LIN9: variants seen among roughly 807,000 people sequenced by gnomAD.
LIN9 encodes lin-9 DREAM MuvB core complex component, also known as protein lin-9 homolog.
A neutral mutation model predicts 78.0 loss-of-function variants in LIN9; 18 were observed. The observed-to-expected ratio is 0.23, with a 90% CI of 0.16 to 0.34. LIN9 has a LOEUF of 0.34. Ranked by LOEUF, LIN9 falls within the 10% of genes least tolerant of loss-of-function variation. The probability of loss-of-function intolerance (pLI) is 1.00; values close to 1 mark genes in which losing one functional copy is unlikely to be tolerated. For synonymous variants in LIN9, 192 were observed against 215.2 expected (o/e 0.89, Z 0.94); for missense variants, 451 against 644.1 (o/e 0.70, Z 3.25).
Position 226,277,869 on chromosome 1 carries a change from C to T in LIN9, c.588G>A (p.Arg196=). ...SALKQKRQKI[R]LLQQRKVADV... ...CTGCAACTTTCCTTTGTTGTAAGAG[C>T]CTTATTTTCTGCCGTTTCTGTTTTA... Residue 196 remains arginine (R), a synonymous_variant, in exon 7 of 15, where the codon AGG becomes AGA. Transcript: ENST00000681046. 6.2e-7 allele frequency: 1 copy of T among 1,613,608 alleles called. No individual in the cohort carries two copies. The highest frequency in any genetic ancestry group is 8.5e-7 in the Non-Finnish European group (1 of 1,179,680).
At chr1:226,309,503 T>G, upstream of LIN9, 1 of 1,128,220 alleles carries the variant, frequency 8.9e-7, no homozygotes, top group South Asian at 1.8e-5. Flanking sequence ...GCGCTGCAGC[T>G]GCGGGAACTG....
intron 4 of LIN9, among the ~76,000 whole-genome samples, chr1:226,294,332 G>A (rs1292619565): frequency 6.6e-6 from 1 of 150,488 alleles, no homozygotes; most frequent in African/African-American, 2.4e-5. Flanking sequence ...TGTAATCCCA[G>A]CACTTTGGGA....
chr1:226,299,853 T>C (rs938983421), intron 2 of LIN9, among the ~76,000 whole-genome samples: 1 of 152,162 alleles, frequency 6.6e-6, no homozygotes, highest in Non-Finnish European at 1.5e-5. Flanking sequence ...TGTCAAACTT[T>C]TTCTTAGAAT....
At chr1:226,237,898 A>G (rs12754834) in intron 12 of LIN9, among the ~76,000 whole-genome samples, 3 of 144,938 alleles carry the variant, frequency 2.1e-5, no homozygotes, top group Non-Finnish European at 4.5e-5. Flanking sequence ...GGTTCCAGTG[A>G]GCCGAGATTG....
At chr1:226,287,972 GATT>G (rs988484128) in intron 4 of LIN9, among the ~76,000 whole-genome samples, 175 bp from the exon 5 acceptor site, 1 of 150,504 alleles carries the variant, frequency 6.6e-6, no homozygotes, top group African/African-American at 2.4e-5. Flanking sequence ...GATTATTTTT[GATT>G]ATTGCCTTTT....
intron 3 of LIN9, among the ~76,000 whole-genome samples, chr1:226,296,982 G>A (rs892838763): frequency 6.6e-6 from 1 of 152,154 alleles, no homozygotes; most frequent in African/African-American, 2.4e-5. Flanking sequence ...GACAGAGCGA[G>A]ACCTCGTCTC....
At chr1:226,297,080 C>T (rs991402815) in intron 3 of LIN9, among the ~76,000 whole-genome samples, 3 of 152,112 alleles carry the variant, frequency 2.0e-5, no homozygotes, top group Admixed American at 6.6e-5. Flanking sequence ...CACTGCCCCC[C>T]TTCCCTGACC....
chr1:226,289,851 GGGGGT>G (rs1576345879), intron 4 of LIN9, among the ~76,000 whole-genome samples: 3 of 76,492 alleles, frequency 3.9e-5, no homozygotes, highest in Non-Finnish European at 5.5e-5. Flanking sequence ...GGGGGTGGGG[GGGGGT>G]GGGAAAGCTA....
intron 11 of LIN9, among the ~76,000 whole-genome samples, chr1:226,244,305 G>A (rs1658318522): frequency 6.6e-6 from 1 of 151,664 alleles, no homozygotes. Flanking sequence ...GGTGGCGCAT[G>A]CCTGTAATCC....
At chr1:226,287,829 G>A (rs772152907) in intron 4 of LIN9, 32 bp from the exon 5 acceptor site, 10 of 1,455,520 alleles carry the variant, frequency 6.9e-6, no homozygotes, top group Admixed American at 2.6e-5. Context: ...TTAATTTATG[G>A]CTCCATTAAG....
At chr1:226,268,980 TA>T (rs1660099446) in intron 7 of LIN9, among the ~76,000 whole-genome samples, 1 of 152,214 alleles carries the variant, frequency 6.6e-6, no homozygotes, top group Non-Finnish European at 1.5e-5. Flanking sequence ...CCAAAACTAG[TA>T]GTCTTGGAAC....
chr1:226,281,038 T>C (rs779018095), intron 6 of LIN9, among the ~76,000 whole-genome samples: 2 of 152,166 alleles, frequency 1.3e-5, no homozygotes, highest in Non-Finnish European at 2.9e-5. Context: ...AACAGATGAA[T>C]GGAATTTTAA....
intron 11 of LIN9, among the ~76,000 whole-genome samples, chr1:226,248,953 C>G (rs191499997): frequency 6.6e-6 from 1 of 152,240 alleles, no homozygotes; most frequent in African/African-American, 2.4e-5. Flanking sequence ...AACATCAAAA[C>G]GGTCTCTGGG....
intron 2 of LIN9, among the ~76,000 whole-genome samples, chr1:226,298,078 G>C (rs1394554013): frequency 6.6e-6 from 1 of 152,078 alleles, no homozygotes; most frequent in African/African-American, 2.4e-5. Context: ...TTTGTTTTTG[G>C]ATTTTTAATA....
At chr1:226,305,324 A>G (rs1051530780) in intron 1 of LIN9, among the ~76,000 whole-genome samples, 14 of 148,760 alleles carry the variant, frequency 9.4e-5, no homozygotes, top group Non-Finnish European at 1.8e-4. Context: ...AGAAAAAAAA[A>G]AAAAAAAAAA....
chr1:226,241,239 G>A (rs1014224510), intron 11 of LIN9, among the ~76,000 whole-genome samples: 1 of 152,174 alleles, frequency 6.6e-6, no homozygotes, highest in Non-Finnish European at 1.5e-5. Context: ...AGAATGCAGG[G>A]ATAATGCAGG....
At position 226,265,497 on chromosome 1, in the gene LIN9, T is replaced by A. The variant is rs1558176381; in HGVS notation, c.1038+36A>T. The A allele has an allele frequency of 5.0e-6, 7 of 1,394,388 alleles. No individual in the cohort carries two copies. The highest frequency in any genetic ancestry group is 6.1e-6 in the Non-Finnish European group (6 of 989,634). 86.4% of individuals were successfully genotyped at this position (1,394,388 alleles called of 1,614,324 possible). Reference sequence around the variant, plus strand: ...AATAACATAAAAGGCATTGAGTTTTTAAACAAACAGCCAAGATATTCAGAA... The same window carrying A: ...AATAACATAAAAGGCATTGAGTTTTAAAACAAACAGCCAAGATATTCAGAA... On this transcript the variant is annotated intron_variant, in intron 10 of 14. Transcript: ENST00000681046. This position sits in a 1 kb window ranked among gnomAD's most constrained non-coding sequence, Gnocchi z 4.1.
At chr1:226,249,786 T>C (rs555556933) in intron 11 of LIN9, among the ~76,000 whole-genome samples, 39 of 152,310 alleles carry the variant, frequency 2.6e-4, no homozygotes, top group African/African-American at 8.7e-4. Context: ...TAAAACCTAT[T>C]TGCCATCCTA....
Position 226,309,080 on chromosome 1 carries a change from AG to A in LIN9, c.31+28del, listed in dbSNP as rs746287388. 780 of 1,291,170 alleles carry A rather than the reference AG, an allele frequency of 6.0e-4. 2 individuals are homozygous for A. In the East Asian group the frequency reaches 8.3e-3, roughly 14 times the overall value. The allele number at this position is 1,291,170 out of a possible 1,614,324, so 80.0% of individuals were successfully genotyped here. On this transcript the variant is annotated intron_variant, in intron 1 of 14. Transcript: ENST00000681046. ...CGCTGGGCAAGCAGCAGGCGGGAAA[AG>A]GGGGGGGTGCTTTGAGGTGCTACTC...
Sources: allele counts gnomAD v4.1 joint callset (sites outside exome capture counted in the v4.1 genomes callset), GRCh38; gene constraint gnomAD v4.1.1; non-coding constraint Gnocchi (gnomAD v3.1); transcripts MANE v1.5; gene names NCBI Gene and HGNC (gene_info 2026-07-23, HGNC 2026-07-21).